Variants in SMAP1 observed in about 807,000 individuals in gnomAD.
The protein encoded by SMAP1 is stromal membrane-associated protein 1.
Under a neutral mutation model 58.5 loss-of-function variants are expected in SMAP1, and 24 were observed. The observed-to-expected ratio is 0.41, with a 90% CI of 0.30 to 0.58. SMAP1 has a LOEUF of 0.58. Ranked by LOEUF, SMAP1 falls within the 20% of genes least tolerant of loss-of-function variation. The probability of loss-of-function intolerance (pLI) is 0.29; values close to 1 mark genes in which losing one functional copy is unlikely to be tolerated. For synonymous variants in SMAP1, 216 were observed against 196.6 expected (o/e 1.10, Z -0.82); for missense variants, 563 against 566.3 (o/e 0.99, Z 0.06).
chr6:70,756,763 T>G (rs1766508563), intron 3 of SMAP1, among the ~76,000 whole-genome samples: 1 of 152,168 alleles, frequency 6.6e-6, no homozygotes, highest in Admixed American at 6.6e-5. Context: ...GAACTCCCAT[T>G]CACAGTTGCT....
intron 4 of SMAP1, among the ~76,000 whole-genome samples, chr6:70,777,145 T>C (rs190240363): frequency 9.9e-4 from 151 of 152,340 alleles, no homozygotes; most frequent in African/African-American, 3.6e-3. Context: ...TCCTCTCTGG[T>C]ATCTATCATC....
chr6:70,687,325 CAAA>C (rs1335315716), intron 1 of SMAP1, among the ~76,000 whole-genome samples: 1 of 152,058 alleles, frequency 6.6e-6, no homozygotes, highest in African/African-American at 2.4e-5. Context: ...AGCAGTTTCT[CAAA>C]AAACAATTCC....
Position 70,861,851 on chromosome 6 carries a change from C to A in SMAP1, c.*1517C>A, listed in dbSNP as rs368372004. The A allele has an allele frequency of 1.2e-6, 2 of 1,614,062 alleles. No individual in the cohort carries two copies. The highest frequency in any genetic ancestry group is 1.7e-6 in the Non-Finnish European group (2 of 1,179,978). On this transcript the variant is annotated 3_prime_UTR_variant, in exon 11 of 11. Transcript: ENST00000370455. ...ATACCTTAGTGCAGTTATTTGCTTT[C>A]GGTTCCAGTTCTTCGACTGTTGTTA...
intron 1 of SMAP1, among the ~76,000 whole-genome samples, chr6:70,720,271 T>C (rs1048276191): frequency 2.0e-5 from 3 of 152,282 alleles, no homozygotes; most frequent in South Asian, 4.1e-4. Context: ...ATGATCTCCA[T>C]GAGTGCAGGT....
intron 2 of SMAP1, among the ~76,000 whole-genome samples, chr6:70,738,047 G>A (rs185712593): frequency 6.6e-6 from 1 of 152,104 alleles, no homozygotes; most frequent in Non-Finnish European, 1.5e-5. Context: ...AAGATAGGTT[G>A]GTTTACTCTT....
chr6:70,775,027 T>G (rs987030884), intron 4 of SMAP1, among the ~76,000 whole-genome samples: 1 of 151,312 alleles, frequency 6.6e-6, no homozygotes, highest in African/African-American at 2.4e-5. Context: ...AAAAAAAAAT[T>G]AAGTTTTCAA....
chr6:70,681,342 G>C (rs763352648), intron 1 of SMAP1, among the ~76,000 whole-genome samples: 1 of 152,124 alleles, frequency 6.6e-6, no homozygotes, highest in Non-Finnish European at 1.5e-5. Flanking sequence ...TAGGGTAGGA[G>C]GATCTCCTGA....
In SMAP1 at chr6:70,860,756, T is replaced by C. The variant is rs1307048362; in HGVS notation, c.*422T>C. The C allele has an allele frequency of 5.0e-6, 2 of 399,864 alleles. No homozygotes were observed. Among genetic ancestry groups the C allele is most frequent in the Non-Finnish European group, 8.8e-6 (2 of 226,640 alleles). 24.8% of individuals were successfully genotyped at this position (399,864 alleles called of 1,614,324 possible). ...TACTGTATGATCAAATGTTTAATCATATAAATAGAATGTAAATGTCTCACT... is the reference window on the plus strand; with the variant it reads ...TACTGTATGATCAAATGTTTAATCACATAAATAGAATGTAAATGTCTCACT... On this transcript the variant is annotated 3_prime_UTR_variant, in exon 11 of 11. Coordinates refer to ENST00000370455, the MANE Select transcript of SMAP1 (RefSeq NM_001044305.3).
At chr6:70,727,017 A>AT (rs1768819553) in intron 1 of SMAP1, among the ~76,000 whole-genome samples, 1 of 151,672 alleles carries the variant, frequency 6.6e-6, no homozygotes, top group Admixed American at 6.6e-5. Flanking sequence ...ACTCTTCAAG[A>AT]TGGGGGGGGC....
intron 1 of SMAP1, among the ~76,000 whole-genome samples, chr6:70,690,897 G>A (rs1011718748): frequency 2.0e-5 from 3 of 150,244 alleles, no homozygotes; most frequent in Admixed American, 6.6e-5. Flanking sequence ...CTCAATTTCC[G>A]GAGGAGTTTG....
At chr6:70,856,797 G>A (rs1362246370) in intron 8 of SMAP1, 62 bp from the exon 9 acceptor site, 2 of 1,453,884 alleles carry the variant, frequency 1.4e-6, no homozygotes, top group African/African-American at 1.4e-5. Flanking sequence ...TGGATTTTAA[G>A]TAATGGATAA....
intron 1 of SMAP1, among the ~76,000 whole-genome samples, chr6:70,719,540 A>C (rs1383132138): frequency 6.6e-6 from 1 of 152,178 alleles, no homozygotes; most frequent in African/African-American, 2.4e-5. Context: ...CTTATAGCCA[A>C]AATGCTCCTA....
At chr6:70,751,236 T>C (rs1766263518) in intron 2 of SMAP1, among the ~76,000 whole-genome samples, 1 of 152,168 alleles carries the variant, frequency 6.6e-6, no homozygotes, top group Non-Finnish European at 1.5e-5. Context: ...TGAGACTCCG[T>C]CTTACAAAAA....
At chr6:70,860,114 GAAAAAATGA>G in intron 10 of SMAP1, 77 bp from the exon 11 acceptor site, 1 of 1,452,368 alleles carries the variant, frequency 6.9e-7, no homozygotes, top group Middle Eastern at 1.9e-4. Context: ...TCACATTAAT[GAAAAAATGA>G]CCAACTGTGT....
chr6:70,682,188 T>TGTTTTTG (rs1220751892), intron 1 of SMAP1, among the ~76,000 whole-genome samples: 1 of 93,356 alleles, frequency 1.1e-5, no homozygotes, highest in Admixed American at 9.3e-5. Flanking sequence ...TTTTTTTTTT[T>TGTTTTTG]TTTTTTTTTT....
intron 6 of SMAP1, 90 bp downstream of exon 6, chr6:70,798,827 G>T: frequency 2.0e-6 from 2 of 1,018,236 alleles, no homozygotes; most frequent in Non-Finnish European, 2.8e-6. Context: ...TTTATAATAT[G>T]TAAATAATCA....
At chr6:70,699,805 C>T (rs1690519078) in intron 1 of SMAP1, among the ~76,000 whole-genome samples, 1 of 150,180 alleles carries the variant, frequency 6.7e-6, no homozygotes, top group South Asian at 2.1e-4. Flanking sequence ...CAGTGGGCTC[C>T]TCTTTGGCCC....
intron 1 of SMAP1, among the ~76,000 whole-genome samples, chr6:70,687,618 A>G (rs1582000452): frequency 6.6e-6 from 1 of 152,184 alleles, no homozygotes; most frequent in South Asian, 2.1e-4. Context: ...ATCAAAACAT[A>G]CATAGAGAAA....
intron 4 of SMAP1, among the ~76,000 whole-genome samples, chr6:70,787,765 A>T (rs566211065): frequency 6.6e-6 from 1 of 151,754 alleles, no homozygotes; most frequent in African/African-American, 2.4e-5. Context: ...GTCTCACACC[A>T]GTTAGAATGG....
Sources: gnomAD v4.1 joint callset for allele counts (sites outside exome capture counted in the v4.1 genomes callset) on GRCh38, gnomAD v4.1.1 for gene constraint, MANE v1.5 for transcripts, NCBI Gene and HGNC (gene_info 2026-07-23, HGNC 2026-07-21) for gene names.